NF1: variants seen among roughly 807,000 people sequenced by gnomAD.
The protein encoded by NF1 is neurofibromin 1.
A neutral mutation model predicts 325.7 loss-of-function variants in NF1; 122 were observed. That is an observed-to-expected ratio of 0.37 (90% CI 0.32 to 0.44). The LOEUF is 0.44. NF1 is among the 20% of genes least tolerant of loss of function. The pLI, the probability that NF1 is intolerant of heterozygous loss-of-function variation, is 1.00. For synonymous variants in NF1, 1,091 were observed against 1,186.0 expected, an observed-to-expected ratio of 0.92 and a Z score of 1.65; for missense variants, 2,140 against 3,415.4, an observed-to-expected ratio of 0.63 and a Z score of 9.31.
intron 39 of NF1, among the ~76,000 whole-genome samples, chr17:31,332,574 G>GATT (rs1567614699): frequency 1.2e-5 from 1 of 86,712 alleles, no homozygotes; most frequent in Non-Finnish European, 2.8e-5. Context: ...ACAGATCATG[G>GATT]TTTTTTTTTT....
At position 31,303,057 on chromosome 17, in the gene NF1, A is replaced by C. The variant is rs139607278; in HGVS notation, c.4836-22763A>C. ...GTAAAATTCCTGTGTCCAAAACCCT[A>C]CTGGTTCTTATTAAATATGGAGCTT... On this transcript the variant is annotated intron_variant, in intron 36 of 57. Coordinates refer to ENST00000358273, the MANE Select transcript of NF1 (RefSeq NM_001042492.3). Among the ~76,000 whole-genome samples the C allele has an allele frequency of 4.3e-3, 661 of 152,240 alleles. 4 individuals are homozygous for C. Among genetic ancestry groups the C allele is most frequent in the African/African-American group, 0.015 (623 of 41,550 alleles).
intron 51 of NF1, among the ~76,000 whole-genome samples, chr17:31,352,849 T>C (rs145777804): frequency 6.6e-6 from 1 of 152,354 alleles, no homozygotes; most frequent in African/African-American, 2.4e-5. Flanking sequence ...TGCCGTGCTT[T>C]CTTTGAAAAG....
chr17:31,221,160 C>T (rs1255536010), intron 14 of NF1, among the ~76,000 whole-genome samples: 3 of 151,560 alleles, frequency 2.0e-5, no homozygotes, highest in Admixed American at 1.3e-4. Flanking sequence ...AAGATCAGTT[C>T]GAAGGAAGAG....
rs143129628 is a variant in NF1 at position 31,238,064 on chromosome 17, C to T, written c.3974+2043C>T. On this transcript the variant is annotated intron_variant, in intron 29 of 57. Transcript: ENST00000358273. ...ATGTATACAGAGAATCACAGTTTAC[C>T]AGGAGAAGAAGCTGCTGGAGCCAGT... Among the ~76,000 whole-genome samples the T allele has an allele frequency of 6.8e-3, 1,028 of 152,136 alleles. 18 individuals are homozygous for T. The highest frequency in any genetic ancestry group is 0.023 in the African/African-American group (964 of 41,488).
In NF1 at chr17:31,095,409, G is replaced by C. The variant is rs972234523; in HGVS notation, c.60+40G>C. The C allele has an allele frequency of 5.2e-6, 8 of 1,531,416 alleles. No homozygotes were observed. The African/African-American group carries it at 1.1e-4, about 21-fold the overall frequency. The allele number at this position is 1,531,416 out of a possible 1,614,324, so 94.9% of individuals were successfully genotyped here. A position where few individuals can be genotyped will look rare whatever the true frequency, so the allele number is the denominator to read the frequency against. Reference sequence around the variant, plus strand: ...GCGGGCGGGAGGTGGGAGCGGAGTGGGGGTGGGGACAGAGTAGGTGAGGGG... The same window carrying C: ...GCGGGCGGGAGGTGGGAGCGGAGTGCGGGTGGGGACAGAGTAGGTGAGGGG... On this transcript the variant is annotated intron_variant, in intron 1 of 57. Coordinates refer to ENST00000358273, the MANE Select transcript of NF1 (RefSeq NM_001042492.3).
At chr17:31,356,830 CTA>C (rs1276445522) in intron 52 of NF1, 128 bp from the exon 53 acceptor site, 2 of 1,376,312 alleles carry the variant, frequency 1.5e-6, no homozygotes, top group African/African-American at 2.9e-5. Flanking sequence ...TAGTAATTCT[CTA>C]TGATGTTTAT....
At chr17:31,263,474 GTAAATA>G (rs1459177419) in intron 35 of NF1, among the ~76,000 whole-genome samples, 3 of 150,040 alleles carry the variant, frequency 2.0e-5, no homozygotes, top group Admixed American at 6.6e-5. Context: ...AGAAATATAA[GTAAATA>G]TAAATATAAA....
At chr17:31,239,267 A>G (rs184325142) in intron 29 of NF1, among the ~76,000 whole-genome samples, 34 of 152,358 alleles carry the variant, frequency 2.2e-4, no homozygotes, top group African/African-American at 7.9e-4. Flanking sequence ...GGCTAGAGAA[A>G]AAAGCTGTAA....
chr17:31,300,624 A>T (rs568367833), intron 36 of NF1, among the ~76,000 whole-genome samples: 6 of 152,240 alleles, frequency 3.9e-5, no homozygotes, highest in African/African-American at 1.2e-4. Flanking sequence ...TTGTACCTAA[A>T]TAATTTTATA....
At chr17:31,124,747 C>T (rs1914729915) in intron 1 of NF1, among the ~76,000 whole-genome samples, 2 of 151,300 alleles carry the variant, frequency 1.3e-5, no homozygotes, top group African/African-American at 2.4e-5. Flanking sequence ...CTACAGGTGC[C>T]TGCCACCATG....
chr17:31,118,949 T>TTTTTC (rs1054203333), intron 1 of NF1, among the ~76,000 whole-genome samples: 1 of 151,640 alleles, frequency 6.6e-6, no homozygotes, highest in African/African-American at 2.4e-5. Flanking sequence ...TTTTTTTTTT[T>TTTTTC]TCTTGAGATG....
intron 36 of NF1, chr17:31,272,127 AGAT>A (rs2067911778): frequency 6.6e-6 from 1 of 152,252 alleles, no homozygotes; most frequent in African/African-American, 2.4e-5. Context: ...AAAAAAATCA[AGAT>A]GATAATTTCT....
chr17:31,269,590 T>C (rs940545600), intron 36 of NF1, among the ~76,000 whole-genome samples: 16 of 152,220 alleles, frequency 1.1e-4, no homozygotes, highest in African/African-American at 3.9e-4. Context: ...GATGTATTAG[T>C]TTCTTGCATG....
intron 36 of NF1, chr17:31,304,312 T>C: frequency 6.2e-7 from 1 of 1,613,780 alleles, no homozygotes; most frequent in South Asian, 1.1e-5. Context: ...AAGATCTTGA[T>C]CAGAGTTGGG....
At chr17:31,261,412 G>A (rs1030022213) in intron 34 of NF1, among the ~76,000 whole-genome samples, 1 of 151,976 alleles carries the variant, frequency 6.6e-6, no homozygotes, top group Non-Finnish European at 1.5e-5. Flanking sequence ...TCCTTACAAA[G>A]GAAGAATGAG....
At chr17:31,199,973 T>G (rs1383542301) in intron 8 of NF1, among the ~76,000 whole-genome samples, 2 of 151,900 alleles carry the variant, frequency 1.3e-5, no homozygotes, top group Non-Finnish European at 2.9e-5. Context: ...CTGTCTCTAC[T>G]AAAAATACAA....
At chr17:31,254,728 GT>G (rs917770146) in intron 31 of NF1, among the ~76,000 whole-genome samples, 1 of 149,908 alleles carries the variant, frequency 6.7e-6, no homozygotes, top group Non-Finnish European at 1.5e-5. Context: ...TTCTTGAAAT[GT>G]TTTTTTTTCT....
At chr17:31,150,649 G>A (rs1011849888) in intron 1 of NF1, among the ~76,000 whole-genome samples, 2 of 151,944 alleles carry the variant, frequency 1.3e-5, no homozygotes, top group Non-Finnish European at 2.9e-5. Flanking sequence ...TTTGATAATT[G>A]TATTGTATCT....
intron 36 of NF1, among the ~76,000 whole-genome samples, chr17:31,267,957 T>C (rs1597756017): frequency 6.6e-6 from 1 of 152,346 alleles, no homozygotes; most frequent in African/African-American, 2.4e-5. Context: ...GTTAGGCTTT[T>C]ATTGCAAAGC....
Sources: gnomAD v4.1 joint callset for allele counts (sites outside exome capture counted in the v4.1 genomes callset) on GRCh38, gnomAD v4.1.1 for gene constraint, MANE v1.5 for transcripts, NCBI Gene and HGNC (gene_info 2026-07-23, HGNC 2026-07-21) for gene names.